IGSF6: variants seen among roughly 807,000 people sequenced by gnomAD.
IGSF6 encodes the protein down-regulated by activation (immunoglobulin superfamily).
Under a neutral mutation model 24.7 loss-of-function variants are expected in IGSF6, and 23 were observed. The observed-to-expected ratio is 0.93, with a 90% CI of 0.67 to 1.32. IGSF6 has a LOEUF of 1.32. Among genes scored for constraint, IGSF6 ranks in the 40% most tolerant of loss-of-function variants. The probability of loss-of-function intolerance (pLI) is 0.00; values close to 1 mark genes in which losing one functional copy is unlikely to be tolerated. For synonymous variants in IGSF6, 110 were observed against 113.7 expected, an observed-to-expected ratio of 0.97 and a Z score of 0.21; for missense variants, 295 against 293.6, an observed-to-expected ratio of 1.00 and a Z score of -0.04.
At chr16:21,645,162 C>T (rs1261098415) in intron 2 of IGSF6, among the ~76,000 whole-genome samples, 2 of 152,116 alleles carry the variant, frequency 1.3e-5, no homozygotes, top group Non-Finnish European at 2.9e-5. Context: ...CTAAATATCC[C>T]ATAGATGAGA....
chr16:21,640,153 T>C lies in IGSF6; in HGVS notation c.*1381A>G, dbSNP rs1225201207. The C allele has an allele frequency of 1.3e-5, 2 of 151,910 alleles. No individual in the cohort carries two copies. Among genetic ancestry groups the C allele is most frequent in the Admixed American group, 6.6e-5 (1 of 15,262 alleles). The allele number at this position is 151,910 out of a possible 1,614,324, so 9.4% of individuals were successfully genotyped here. A position where few individuals can be genotyped will look rare whatever the true frequency, so the allele number is the denominator to read the frequency against. On this transcript the variant is annotated 3_prime_UTR_variant, in exon 6 of 6. Transcript: ENST00000268389. ...ACGGGTTTCATCATGTTGTTCAGGC[T>C]GGTCTCGAACTCCTGATCTCATGAT...
chr16:21,647,384 G>A lies in IGSF6; in HGVS notation c.176C>T (p.Pro59Leu). The A allele has an allele frequency of 6.2e-7, 1 of 1,614,096 alleles. No individual in the cohort carries two copies. Among genetic ancestry groups the A allele is most frequent in the Admixed American group, 1.7e-5 (1 of 60,016 alleles). The change falls in exon 2 of 6, where the codon CCT becomes CTT. Residue 59 changes from proline to leucine, a missense_variant. Coordinates refer to ENST00000268389, the MANE Select transcript of IGSF6 (RefSeq NM_005849.4). The part of the protein sequence containing the change: ...IKCTFSATGC[P>L]SEQPTCLWFR... ...CCACAGGCATGTTGGTTGCTCAGAA[G>A]GGCATCCGGTTGCGGAGAAGGTACA...
chr16:21,648,556 A>C (rs984124736), intron 1 of IGSF6, among the ~76,000 whole-genome samples: 1 of 152,204 alleles, frequency 6.6e-6, no homozygotes, highest in Admixed American at 6.5e-5. Flanking sequence ...ACTCCAGTGT[A>C]CTGTCCACCA....
At position 21,644,314 on chromosome 16, in the gene IGSF6, G is replaced by A. The variant is rs183946841; in HGVS notation, c.510C>T (p.Cys170=). 4.3e-5 allele frequency: 69 copies of A among 1,613,118 alleles called. No individual in the cohort carries two copies. The East Asian group carries it at 4.9e-4, about 11-fold the overall frequency. ...SLLSVYVTGV[C]VAFILLSKSK... ...CTTTGGAGAGGAGTATGAAGGCCACGCACACACCGGTCACATAGACAGAGA... is the reference window on the plus strand; with the variant it reads ...CTTTGGAGAGGAGTATGAAGGCCACACACACACCGGTCACATAGACAGAGA... Residue 170 remains cysteine, a synonymous_variant, in exon 3 of 6, where the codon TGC becomes TGT. Transcript: ENST00000268389.
intron 1 of IGSF6, among the ~76,000 whole-genome samples, chr16:21,649,285 G>A (rs954232387): frequency 1.2e-4 from 19 of 152,242 alleles, no homozygotes; most frequent in Admixed American, 4.6e-4. Flanking sequence ...GAGCCACTGC[G>A]CCTTGCTCTC....
chr16:21,651,127 G>T (rs1167411973), intron 1 of IGSF6, among the ~76,000 whole-genome samples: 1 of 152,140 alleles, frequency 6.6e-6, no homozygotes. Flanking sequence ...GGAGGCTGAG[G>T]CAGGAGAATG....
chr16:21,646,823 T>G, intron 2 of IGSF6: 1 of 362,300 alleles, frequency 2.8e-6, no homozygotes, highest in Non-Finnish European at 5.4e-6. Flanking sequence ...GCGCGGCTAA[T>G]TTTTGTATTT....
intron 2 of IGSF6, among the ~76,000 whole-genome samples, chr16:21,646,166 T>C (rs942331020): frequency 6.6e-6 from 1 of 151,752 alleles, no homozygotes; most frequent in African/African-American, 2.4e-5. Context: ...CCCTTTTTTT[T>C]TCTCGGGAAT....
Position 21,643,097 on chromosome 16 carries a change from G to T in IGSF6, c.643C>A (p.His215Asn). The T allele has an allele frequency of 6.2e-7, 1 of 1,605,334 alleles. No homozygotes were observed. The change falls in exon 5 of 6, where the codon CAT (histidine) becomes AAT (asparagine). Residue 215 changes from histidine to asparagine, a missense_variant. His to Asn is a moderately conservative substitution (Grantham distance 68, BLOSUM62 1). Transcript: ENST00000268389. Reference protein sequence around the residue: ...EIAQELYHKRHVETNQQSEKD... With the variant: ...EIAQELYHKRNVETNQQSEKD... ...ACAGATTGCTGATTTGTTTCCACAT[G>T]TCTCTTATGGTATAGTTCTTGAGCA... is the stretch of plus-strand genomic sequence containing the variant.
At chr16:21,643,697 T>G (rs550005068) in intron 3 of IGSF6, 99 bp from the exon 4 acceptor site, 1 of 742,984 alleles carries the variant, frequency 1.3e-6, no homozygotes, top group South Asian at 1.8e-5. Context: ...AACTTAATAT[T>G]TAAGTGATAT....
chr16:21,646,470 A>G (rs1394785689), intron 2 of IGSF6: 1 of 157,534 alleles, frequency 6.3e-6, no homozygotes. Flanking sequence ...GCATTACCAG[A>G]CTAGTTCCTG....
chr16:21,652,462 A>T, intron 1 of IGSF6, 70 bp downstream of exon 1: 1 of 1,215,650 alleles, frequency 8.2e-7, no homozygotes, highest in Non-Finnish European at 1.2e-6. Flanking sequence ...AGCTTAAAAT[A>T]TAAATGCATT....
chr16:21,640,965 A>G lies in IGSF6; in HGVS notation c.*569T>C, dbSNP rs975661156. 1.3e-5 allele frequency: 2 copies of G among 151,998 alleles called. No homozygotes were observed. Among genetic ancestry groups the G allele is most frequent in the Admixed American group, 1.3e-4 (2 of 15,252 alleles). The allele number at this position is 151,998 out of a possible 1,614,324, so 9.4% of individuals were successfully genotyped here. On this transcript the variant is annotated 3_prime_UTR_variant, in exon 6 of 6. Transcript: ENST00000268389. The stretch of plus-strand genomic sequence containing the variant: ...TCTGTATTTTGGCTTTTATGGTCTT[A>G]CTCTAGCCACTATATTATTCTCATT...
intron 1 of IGSF6, 119 bp from the exon 2 acceptor site, chr16:21,647,611 TA>T: frequency 7.9e-7 from 1 of 1,264,772 alleles, no homozygotes; most frequent in South Asian, 1.5e-5. Context: ...AATCCCAATA[TA>T]AATAAGACTA....
In IGSF6 at chr16:21,640,265, A is replaced by G. The variant is rs899127639; in HGVS notation, c.*1269T>C. ...AAAGAGACACTTTAATGAAATAAAC[A>G]TAGTAGGTTGTAAGGTTGTAATTTG... On this transcript the variant is annotated 3_prime_UTR_variant, in exon 6 of 6. Transcript: ENST00000268389. 4 of 152,110 alleles carry G rather than the reference A, an allele frequency of 2.6e-5. No homozygotes were observed. Among genetic ancestry groups the G allele is most frequent in the African/African-American group, 9.7e-5 (4 of 41,430 alleles). 9.4% of individuals were successfully genotyped at this position (152,110 alleles called of 1,614,324 possible).
At position 21,644,318 on chromosome 16, in the gene IGSF6, A is replaced by C. The variant is rs1161229294; in HGVS notation, c.506T>G (p.Val169Gly). The C allele has an allele frequency of 6.2e-7, 1 of 1,613,716 alleles. No homozygotes were observed. Among genetic ancestry groups the C allele is most frequent in the African/African-American group, 1.3e-5 (1 of 74,932 alleles). Reference protein sequence around the residue: ...VSLLSVYVTGVCVAFILLSKS... With the variant: ...VSLLSVYVTGGCVAFILLSKS... ...GGAGAGGAGTATGAAGGCCACGCAC[A>C]CACCGGTCACATAGACAGAGAGCAG... Residue 169 changes from valine to glycine, a missense_variant, in exon 3 of 6, where the codon GTG becomes GGG. Transcript: ENST00000268389.
rs997028280 is a variant in IGSF6 at position 21,641,303 on chromosome 16, T to C, written c.*231A>G. ...AGGATACAAGTTTAAAATAGAATTT[T>C]TTTTCTTGGCAAATTTGGAAGGTAT... On this transcript the variant is annotated 3_prime_UTR_variant, in exon 6 of 6. Coordinates refer to ENST00000268389, the MANE Select transcript of IGSF6 (RefSeq NM_005849.4). 9 of 348,110 alleles carry C rather than the reference T, an allele frequency of 2.6e-5. No homozygotes were observed. The highest frequency in any genetic ancestry group is 9.5e-5 in the Admixed American group (2 of 21,036). The allele number at this position is 348,110 out of a possible 1,614,324, so 21.6% of individuals were successfully genotyped here.
rs1314206515 is a variant in IGSF6, at chr16:21,647,260, T to G, written c.300A>C (p.Gln100His). 6.2e-7 allele frequency: 1 copy of G among 1,614,052 alleles called. No homozygotes were observed. The highest frequency in any genetic ancestry group is 1.3e-5 in the African/African-American group (1 of 74,906). ...FTVREALKEN[Q>H]VSLTVNRVTS... is the part of the protein sequence containing the mutation. ...TCACTCTGTTTACAGTGAGGGAAAC[T>G]TGGTTTTCTTTGAGGGCCTCCCTCA... Residue 100 changes from glutamine (Q) to histidine (H), a missense_variant, in exon 2 of 6, where the codon CAA (glutamine) becomes CAC (histidine). Gln to His is a conservative substitution (Grantham distance 24). Transcript: ENST00000268389.
chr16:21,645,516 A>G (rs1438099071), intron 2 of IGSF6, among the ~76,000 whole-genome samples: 1 of 152,212 alleles, frequency 6.6e-6, no homozygotes, highest in Non-Finnish European at 1.5e-5. Context: ...TTTATGCAGC[A>G]TACATTTTTA....
Sources: allele counts gnomAD v4.1 joint callset (sites outside exome capture counted in the v4.1 genomes callset), GRCh38; gene constraint gnomAD v4.1.1; transcripts MANE v1.5; gene names NCBI Gene and HGNC (gene_info 2026-07-23, HGNC 2026-07-21).